Variants in ARHGAP42 observed in about 807,000 individuals in gnomAD.
ARHGAP42 encodes Rho GTPase activating protein 42.
In ARHGAP42, 63 loss-of-function variants were observed where a neutral mutation model predicts 125.0. The ratio of observed to expected loss-of-function variants is 0.50; its 90% CI spans 0.41 to 0.62. The LOEUF (loss-of-function observed/expected upper bound fraction) is 0.62, where lower values mean the gene tolerates loss of function less well. Ranked by LOEUF, ARHGAP42 falls within the 20% of genes least tolerant of loss-of-function variation. The pLI, the probability that ARHGAP42 is intolerant of heterozygous loss-of-function variation, is 0.00. For synonymous variants in ARHGAP42, 339 were observed against 351.0 expected, an observed-to-expected ratio of 0.97 and a Z score of 0.38; for missense variants, 766 against 1,024.2, an observed-to-expected ratio of 0.75 and a Z score of 3.44.
rs1447757616 is a variant in ARHGAP42 at position 100,904,633 on chromosome 11, A to G, written c.385-8819A>G. On this transcript the variant is annotated intron_variant, in intron 4 of 23. Coordinates refer to ENST00000298815, the MANE Select transcript of ARHGAP42 (RefSeq NM_152432.4). ...TTTCTTTTGTCCTTTTTCTCCTTCA[A>G]CTCCCACCTGACCTCCCCACCTTTT... is the stretch of plus-strand genomic sequence containing the variant. Among the ~76,000 whole-genome samples the G allele has an allele frequency of 2.0e-5, 3 of 150,160 alleles. No homozygotes were observed. The East Asian group carries it at 5.9e-4, about 29-fold the overall frequency.
At chr11:100,889,208 A>G (rs892343874) in intron 4 of ARHGAP42, among the ~76,000 whole-genome samples, 3 of 152,206 alleles carry the variant, frequency 2.0e-5, no homozygotes, top group African/African-American at 7.2e-5. Flanking sequence ...AATGAAGATT[A>G]AAGAGTGCTA....
At chr11:100,929,478 C>T (rs186786875) in intron 6 of ARHGAP42, among the ~76,000 whole-genome samples, 20 of 152,256 alleles carry the variant, frequency 1.3e-4, no homozygotes, top group Admixed American at 7.9e-4. Context: ...CTGTATGTTT[C>T]ACCATCTGAC....
At chr11:100,824,116 T>C (rs1864458513) in intron 3 of ARHGAP42, among the ~76,000 whole-genome samples, 1 of 152,174 alleles carries the variant, frequency 6.6e-6, no homozygotes, top group African/African-American at 2.4e-5. Flanking sequence ...ATTAAGTATA[T>C]CTGAATGCAC....
At chr11:100,850,573 A>C (rs1160961079) in intron 3 of ARHGAP42, among the ~76,000 whole-genome samples, 1 of 152,164 alleles carries the variant, frequency 6.6e-6, no homozygotes, top group African/African-American at 2.4e-5. Context: ...TATTCAAAAA[A>C]CACCTATATT....
intron 3 of ARHGAP42, among the ~76,000 whole-genome samples, chr11:100,804,617 T>C (rs1351864956): frequency 6.6e-6 from 1 of 151,462 alleles, no homozygotes; most frequent in Non-Finnish European, 1.5e-5. Flanking sequence ...GGATCTAGGC[T>C]CAATGCAACC....
intron 3 of ARHGAP42, among the ~76,000 whole-genome samples, chr11:100,844,194 G>A (rs1421817507): frequency 6.6e-6 from 1 of 152,056 alleles, no homozygotes; most frequent in East Asian, 1.9e-4. Context: ...AACAAAAAGT[G>A]GGGAAAGGAC....
intron 1 of ARHGAP42, among the ~76,000 whole-genome samples, chr11:100,757,059 T>C (rs1272691910): frequency 2.6e-5 from 4 of 152,214 alleles, no homozygotes; most frequent in Admixed American, 2.6e-4. Context: ...CATGTAAATA[T>C]ATAATACATT....
In ARHGAP42 at chr11:100,915,653, G is replaced by T. The variant is rs193031595; in HGVS notation, c.486+2100G>T. ...TAGTAGCTTAGGCTATGGTATAATA[G>T]AATATTCATTCTGGTTCCATGTTTA... On this transcript the variant is annotated intron_variant, in intron 5 of 23. Coordinates refer to ENST00000298815, the MANE Select transcript of ARHGAP42 (RefSeq NM_152432.4). Among the ~76,000 whole-genome samples, 492 of 152,180 alleles carry T rather than the reference G, an allele frequency of 3.2e-3. 3 individuals are homozygous for T. The highest frequency in any genetic ancestry group is 0.011 in the African/African-American group (458 of 41,518).
intron 2 of ARHGAP42, among the ~76,000 whole-genome samples, chr11:100,779,467 A>AATATATAT (rs1554996405): frequency 1.9e-4 from 16 of 85,668 alleles, no homozygotes; most frequent in Admixed American, 3.1e-4. Flanking sequence ...AAAAAAAAAA[A>AATATATAT]ATATATATAT....
At chr11:100,742,274 T>C (rs958937321) in intron 1 of ARHGAP42, among the ~76,000 whole-genome samples, 4 of 152,228 alleles carry the variant, frequency 2.6e-5, no homozygotes, top group Non-Finnish European at 5.9e-5. Flanking sequence ...GGCATCAGTG[T>C]CTTCCTTCAT....
At position 100,912,747 on chromosome 11, in the gene ARHGAP42, A is replaced by G. The variant is rs1366889165; in HGVS notation, c.385-705A>G. Among the ~76,000 whole-genome samples the G allele has an allele frequency of 2.0e-5, 3 of 152,142 alleles. No homozygotes were observed. In the East Asian group the frequency reaches 5.8e-4, roughly 29 times the overall value. ...AGGTAAAGTTACTCCCTTCTCAGCT[A>G]TTCCCCCTCCCAGTTGTTCCCCAAA... On this transcript the variant is annotated intron_variant, in intron 4 of 23. Transcript: ENST00000298815.
intron 1 of ARHGAP42, among the ~76,000 whole-genome samples, chr11:100,701,679 A>G (rs670401): frequency 0.76 from 115,050 of 152,208 alleles, 44,607 homozygotes; most frequent in African/African-American, 0.93. Flanking sequence ...GAATTGAAGA[A>G]AGTTAGGACC....
chr11:100,750,253 G>T (rs181334160), intron 1 of ARHGAP42, among the ~76,000 whole-genome samples: 11 of 152,374 alleles, frequency 7.2e-5, no homozygotes, highest in Admixed American at 7.2e-4. Flanking sequence ...TGGAGCAATG[G>T]TGAGTGCATA....
chr11:100,897,271 C>T (rs187893616), intron 4 of ARHGAP42, among the ~76,000 whole-genome samples: 2,299 of 152,170 alleles, frequency 0.015, 59 homozygotes, highest in African/African-American at 0.051. Flanking sequence ...AGTCAGGTAG[C>T]ATGATGCCTC....
intron 3 of ARHGAP42, among the ~76,000 whole-genome samples, chr11:100,845,734 T>A (rs984471225): frequency 5.9e-5 from 9 of 152,202 alleles, no homozygotes; most frequent in African/African-American, 4.8e-5. Flanking sequence ...TGCCCTCGTT[T>A]TCACCTTTTT....
rs34731514 is a variant in ARHGAP42 at position 100,705,977 on chromosome 11, CTT to C, written c.154+18165_154+18166del. Among the ~76,000 whole-genome samples the C allele has an allele frequency of 6.5e-3, 724 of 112,036 alleles. 5 individuals are homozygous for C. Among genetic ancestry groups the C allele is most frequent in the African/African-American group, 0.013 (369 of 28,532 alleles). 73.5% of individuals were successfully genotyped at this position (112,036 alleles called of 152,430 possible). A position where few individuals can be genotyped will look rare whatever the true frequency, so the allele number is the denominator to read the frequency against. On this transcript the variant is annotated intron_variant, in intron 1 of 23. Coordinates refer to ENST00000298815, the MANE Select transcript of ARHGAP42 (RefSeq NM_152432.4). ...GTACTTCTGTGGAATAGTTAAGTAA[CTT>C]TTTTTTTTTTTTTTTTTTTGAGATG... is the stretch of plus-strand genomic sequence containing the variant.
chr11:100,899,733 T>G (rs1237675), intron 4 of ARHGAP42, among the ~76,000 whole-genome samples: 4 of 36,878 alleles, frequency 1.1e-4, no homozygotes, highest in South Asian at 8.3e-4. Flanking sequence ...TTTTTTTTTT[T>G]GTTTTTTTTT....
chr11:100,806,690 T>C (rs1239915258), intron 3 of ARHGAP42, among the ~76,000 whole-genome samples: 1 of 152,162 alleles, frequency 6.6e-6, no homozygotes, highest in Non-Finnish European at 1.5e-5. Context: ...ATCTCCTGAT[T>C]TCCAGTTTTC....
At chr11:100,934,603 A>G (rs1460853887) in intron 7 of ARHGAP42, among the ~76,000 whole-genome samples, 3 of 152,206 alleles carry the variant, frequency 2.0e-5, no homozygotes, top group Admixed American at 2.0e-4. Context: ...CCTATTTCAC[A>G]TTATCAAACC....
Sources: gnomAD v4.1 joint callset for allele counts (sites outside exome capture counted in the v4.1 genomes callset) on GRCh38, gnomAD v4.1.1 for gene constraint, MANE v1.5 for transcripts, NCBI Gene and HGNC (gene_info 2026-07-23, HGNC 2026-07-21) for gene names.